Variants in UBE2U observed in about 807,000 individuals in gnomAD.
UBE2U encodes the protein ubiquitin conjugating enzyme E2 U, also known as ubiquitin-conjugating enzyme E2 U.
A neutral mutation model predicts 41.2 loss-of-function variants in UBE2U; 39 were observed. The observed-to-expected ratio is 0.95, with a 90% CI of 0.73 to 1.24. The LOEUF (loss-of-function observed/expected upper bound fraction) is 1.24. Ranked by LOEUF, UBE2U falls within the 50% of genes most tolerant of loss-of-function variation. The pLI is 0.00. For synonymous variants in UBE2U, 107 were observed against 117.8 expected (o/e 0.91, Z 0.60); for missense variants, 336 against 363.1 (o/e 0.93, Z 0.61).
rs1282698024 is a variant in UBE2U, at chr1:64,239,147, GAAGAAGAAGA to G, written c.596-2493_596-2484del. On this transcript the variant is annotated intron_variant, in intron 7 of 9. Coordinates refer to ENST00000371077, the MANE Select transcript of UBE2U (RefSeq NM_001366232.2). ...AGAAGAAGAAGAAGAAGAAGAAGAA[GAAGAAGAAGA>G]AAGAAGAAGAAGAAGAAGAAGAAGA... Among the ~76,000 whole-genome samples, 99 of 26,996 alleles carry G rather than the reference GAAGAAGAAGA, an allele frequency of 3.7e-3. 3 individuals are homozygous for G. The highest frequency in any genetic ancestry group is 4.3e-3 in the Admixed American group (10 of 2,334). The allele number at this position is 26,996 out of a possible 152,430, so 17.7% of individuals were successfully genotyped here.
chr1:64,214,720 A>G (rs1004709395), intron 4 of UBE2U, 95 bp from the exon 5 acceptor site: 2 of 862,334 alleles, frequency 2.3e-6, no homozygotes, highest in African/African-American at 3.3e-5. Context: ...TAAGCATTTA[A>G]TACATGCTTA....
At chr1:64,240,411 T>C (rs1266522352) in intron 7 of UBE2U, among the ~76,000 whole-genome samples, 2 of 152,196 alleles carry the variant, frequency 1.3e-5, no homozygotes, top group African/African-American at 2.4e-5. Context: ...GAACTTAGTA[T>C]TGCTCCAGAG....
At chr1:64,260,945 T>C (rs1339751763) in intron 9 of UBE2U, among the ~76,000 whole-genome samples, 1 of 152,176 alleles carries the variant, frequency 6.6e-6, no homozygotes, top group African/African-American at 2.4e-5. Flanking sequence ...AATAGGTTGA[T>C]ATACAATTTG....
chr1:64,239,151 A>AAGGAGAAGGAGAAGG (rs1644764916), intron 7 of UBE2U, among the ~76,000 whole-genome samples: 10 of 23,844 alleles, frequency 4.2e-4, no homozygotes, highest in African/African-American at 1.7e-3. Context: ...GAAGAAGAAG[A>AAGGAGAAGGAGAAGG]AGAAGAAAGA....
intron 5 of UBE2U, among the ~76,000 whole-genome samples, 154 bp from the exon 6 acceptor site, chr1:64,220,705 T>A (rs1652389253): frequency 6.6e-6 from 1 of 152,078 alleles, no homozygotes; most frequent in Admixed American, 6.6e-5. Flanking sequence ...TCTTGAAAAA[T>A]TTTCTTGTCA....
At chr1:64,207,630 G>C (rs1271795899) in intron 3 of UBE2U, among the ~76,000 whole-genome samples, 1 of 152,010 alleles carries the variant, frequency 6.6e-6, no homozygotes, top group Non-Finnish European at 1.5e-5. Context: ...TAAATAAAAG[G>C]TAAGTTAGAT....
intron 8 of UBE2U, chr1:64,244,288 A>G: frequency 1.7e-6 from 2 of 1,154,190 alleles, no homozygotes; most frequent in Non-Finnish European, 2.2e-6. Context: ...TTTGACGCTT[A>G]TTATTTTATA....
At chr1:64,240,106 A>T (rs1200734538) in intron 7 of UBE2U, among the ~76,000 whole-genome samples, 7 of 152,154 alleles carry the variant, frequency 4.6e-5, no homozygotes, top group Admixed American at 4.6e-4. Context: ...TTAACCACAA[A>T]CTTAAGAGCC....
intron 4 of UBE2U, among the ~76,000 whole-genome samples, chr1:64,213,535 G>A (rs1651786890): frequency 1.3e-5 from 2 of 152,124 alleles, no homozygotes; most frequent in Admixed American, 6.5e-5. Flanking sequence ...ATACTATAAA[G>A]CACACACTGC....
rs935888132 is a variant in UBE2U, at chr1:64,264,603, C to T, written c.770-2421C>T. ...TGGTTGATTCCCAACTTTCATTCCA[C>T]GCCAGCAACTCACGTCAGCCAATCA... On this transcript the variant is annotated intron_variant, in intron 9 of 9. Transcript: ENST00000371077. 7.9e-5 allele frequency among the ~76,000 whole-genome samples: 12 copies of T among 152,120 alleles called. 1 individual carries two copies. Among genetic ancestry groups the T allele is most frequent in the Non-Finnish European group, 1.6e-4 (11 of 68,018 alleles).
Position 64,244,250 on chromosome 1 carries a change from C to A in UBE2U, c.677+2517C>A. The A allele has an allele frequency of 2.2e-6, 3 of 1,395,192 alleles. No homozygotes were observed. The South Asian group carries it at 5.1e-5, about 23-fold the overall frequency. The allele number at this position is 1,395,192 out of a possible 1,614,324, so 86.4% of individuals were successfully genotyped here. A position where few individuals can be genotyped will look rare whatever the true frequency, so the allele number is the denominator to read the frequency against. ...TTTTTATCTGTTAAATGGAGATAAC[C>A]TTACCTATCTTGCAAAGTTGTTTTG... is the stretch of plus-strand genomic sequence containing the variant. On this transcript the variant is annotated intron_variant, in intron 8 of 9. Coordinates refer to ENST00000371077, the MANE Select transcript of UBE2U (RefSeq NM_001366232.2).
At chr1:64,234,179 T>C (rs1181144514) in intron 7 of UBE2U, among the ~76,000 whole-genome samples, 1 of 152,230 alleles carries the variant, frequency 6.6e-6, no homozygotes, top group Non-Finnish European at 1.5e-5. Flanking sequence ...ACATCTCACC[T>C]ATGTGTATTA....
intron 7 of UBE2U, among the ~76,000 whole-genome samples, chr1:64,239,691 C>T (rs771763777): frequency 7.9e-5 from 12 of 152,222 alleles, no homozygotes; most frequent in Non-Finnish European, 1.6e-4. Context: ...CTACAAAGTA[C>T]ATGAACTCAT....
intron 6 of UBE2U, 30 bp downstream of exon 6, chr1:64,220,937 AT>A: frequency 6.7e-7 from 1 of 1,489,916 alleles, no homozygotes; most frequent in Non-Finnish European, 9.2e-7. Context: ...ATTTATGTCG[AT>A]TTATTTACCA....
At chr1:64,232,039 C>G (rs17266187) in intron 6 of UBE2U, among the ~76,000 whole-genome samples, 28,530 of 152,104 alleles carry the variant, frequency 0.19, 3,052 homozygotes, top group Non-Finnish European at 0.24. Context: ...GAAAGTAGCA[C>G]CCAGGAGTAT....
intron 8 of UBE2U, among the ~76,000 whole-genome samples, chr1:64,244,831 A>G (rs1644893660): frequency 6.6e-6 from 1 of 152,196 alleles, no homozygotes; most frequent in Non-Finnish European, 1.5e-5. Context: ...TGTACCTAGC[A>G]TGGTGCCTGG....
intron 7 of UBE2U, among the ~76,000 whole-genome samples, chr1:64,234,512 A>G (rs760673106): frequency 4.6e-5 from 7 of 152,208 alleles, no homozygotes; most frequent in Non-Finnish European, 8.8e-5. Context: ...TAAGGTACAA[A>G]TGAGGGCAAA....
At position 64,210,823 on chromosome 1, in the gene UBE2U, TCTTA is replaced by T. The variant is rs1319297305; in HGVS notation, c.327_330del (p.Leu110ProfsTer11). The T allele has an allele frequency of 6.2e-7, 1 of 1,604,984 alleles. No homozygotes were observed. The highest frequency in any genetic ancestry group is 8.5e-7 in the Non-Finnish European group (1 of 1,174,730). On this transcript the variant is annotated frameshift_variant, in exon 4 of 10. Transcript: ENST00000371077. LOFTEE classifies it high-confidence loss of function. ...AATACAAACTATACATTGAGCAGCATCTTACTTGCCCTACAGGTAAGAATGGATT... is the reference window on the plus strand; with the variant it reads ...AATACAAACTATACATTGAGCAGCATCTTGCCCTACAGGTAAGAATGGATT...
chr1:64,260,301 C>T (rs1645161471), intron 8 of UBE2U, among the ~76,000 whole-genome samples: 1 of 152,160 alleles, frequency 6.6e-6, no homozygotes, highest in Non-Finnish European at 1.5e-5. Context: ...CCCAAGGAAA[C>T]TAATATACCT....
Sources: allele counts gnomAD v4.1 joint callset (sites outside exome capture counted in the v4.1 genomes callset), GRCh38; gene constraint gnomAD v4.1.1; transcripts MANE v1.5; gene names NCBI Gene and HGNC (gene_info 2026-07-23, HGNC 2026-07-21).